The following CDH18 variants were observed in gnomAD, a reference collection of about 807,000 sequenced individuals.
The protein encoded by CDH18 is cadherin-18.
A neutral mutation model predicts 67.9 loss-of-function variants in CDH18; 31 were observed. That is an observed-to-expected ratio of 0.46 (90% confidence interval 0.34 to 0.62). The LOEUF is 0.62. Ranked by LOEUF, CDH18 falls within the 20% of genes least tolerant of loss-of-function variation. The probability of loss-of-function intolerance (pLI) is 0.01; values close to 1 mark genes in which losing one functional copy is unlikely to be tolerated. For missense variants in CDH18, 890 were observed against 975.5 expected, an observed-to-expected ratio of 0.91 and a Z score of 1.17; for synonymous variants, 362 against 347.2, an observed-to-expected ratio of 1.04 and a Z score of -0.48.
At chr5:19,918,678 A>C (rs1482712669) in intron 2 of CDH18, among the ~76,000 whole-genome samples, 1 of 152,162 alleles carries the variant, frequency 6.6e-6, no homozygotes, top group African/African-American at 2.4e-5. Flanking sequence ...TAGCTACTTT[A>C]TTAAAATTCC....
intron 1 of CDH18, among the ~76,000 whole-genome samples, chr5:20,411,329 C>T (rs1178263375): frequency 1.3e-5 from 2 of 151,862 alleles, no homozygotes; most frequent in East Asian, 1.9e-4. Context: ...GACAAAAGTG[C>T]CTACAATACA....
intron 1 of CDH18, among the ~76,000 whole-genome samples, chr5:20,544,279 T>C (rs1454170238): frequency 2.0e-5 from 3 of 152,020 alleles, no homozygotes; most frequent in Admixed American, 6.6e-5. Flanking sequence ...TAGAGGAAGA[T>C]AGAATTCAAA....
chr5:19,956,430 A>C, intron 2 of CDH18, among the ~76,000 whole-genome samples: 1 of 151,946 alleles, frequency 6.6e-6, no homozygotes, highest in East Asian at 1.9e-4. Flanking sequence ...ATCATTCCTA[A>C]TCATCAGCAG....
At chr5:20,012,372 C>CAA (rs374226366) in intron 2 of CDH18, among the ~76,000 whole-genome samples, 35,859 of 115,874 alleles carry the variant, frequency 0.31, 6,622 homozygotes, top group Non-Finnish European at 0.38. Flanking sequence ...TTATCTTGTT[C>CAA]AAAAAAAAAA....
chr5:20,502,620 A>C (rs1754404901), intron 1 of CDH18, among the ~76,000 whole-genome samples: 1 of 152,234 alleles, frequency 6.6e-6, no homozygotes, highest in Non-Finnish European at 1.5e-5. Context: ...TATTCATTCA[A>C]GCATTGGTAG....
At chr5:19,864,089 T>C (rs1167987623) in intron 2 of CDH18, among the ~76,000 whole-genome samples, 1 of 151,024 alleles carries the variant, frequency 6.6e-6, no homozygotes, top group African/African-American at 2.4e-5. Context: ...GTATGTTTAT[T>C]GCGGCACTAT....
At chr5:20,252,498 T>C (rs1743934881) in intron 2 of CDH18, among the ~76,000 whole-genome samples, 1 of 152,166 alleles carries the variant, frequency 6.6e-6, no homozygotes, top group African/African-American at 2.4e-5. Flanking sequence ...GTAAACATTA[T>C]CAGTAAAACA....
At chr5:19,621,970 A>G (rs532677626) in intron 5 of CDH18, among the ~76,000 whole-genome samples, 1 of 152,312 alleles carries the variant, frequency 6.6e-6, no homozygotes, top group Non-Finnish European at 1.5e-5. Context: ...TTCTGTTGCC[A>G]TGTGTGCATT....
chr5:20,437,910 C>T (rs2150185553), intron 1 of CDH18, among the ~76,000 whole-genome samples: 1 of 151,288 alleles, frequency 6.6e-6, no homozygotes, highest in Non-Finnish European at 1.5e-5. Context: ...ATTACCATTT[C>T]AATCTGCTTA....
intron 12 of CDH18, among the ~76,000 whole-genome samples, chr5:19,479,319 C>G (rs1169704328): frequency 6.6e-6 from 1 of 152,040 alleles, no homozygotes; most frequent in Non-Finnish European, 1.5e-5. Flanking sequence ...GAGGGTTGAA[C>G]GTTATTTCAG....
intron 1 of CDH18, among the ~76,000 whole-genome samples, chr5:20,537,866 G>A (rs998317380): frequency 5.3e-5 from 8 of 152,284 alleles, no homozygotes; most frequent in Admixed American, 2.6e-4. Flanking sequence ...GCATTTGCCT[G>A]TAGCAATTGG....
chr5:20,311,109 C>CA lies in CDH18; in HGVS notation c.-579-55605dup, dbSNP rs538801885. On this transcript the variant is annotated intron_variant, in intron 1 of 14. Coordinates refer to the CDH18 transcript ENST00000507958. ...AAAAACAAAACAAAACAAAAACAAA[C>CA]AAAAAAAAGCCTTTCTAACTGAAAA... Among the ~76,000 whole-genome samples, 227 of 151,422 alleles carry CA rather than the reference C, an allele frequency of 1.5e-3. 3 individuals are homozygous for CA. The highest frequency in any genetic ancestry group is 4.9e-3 in the African/African-American group (203 of 41,312).
chr5:19,624,733 A>G (rs1295673784), intron 5 of CDH18, among the ~76,000 whole-genome samples: 2 of 152,148 alleles, frequency 1.3e-5, no homozygotes, highest in South Asian at 4.1e-4. Context: ...TTTTCCCTAA[A>G]GGAAGCTCAG....
At chr5:20,128,160 C>A (rs2126458768) in intron 2 of CDH18, among the ~76,000 whole-genome samples, 1 of 152,146 alleles carries the variant, frequency 6.6e-6, no homozygotes, top group East Asian at 1.9e-4. Context: ...GTCTGTATCG[C>A]TAAACAGCCT....
At chr5:19,579,618 C>G (rs1249794270) in intron 7 of CDH18, among the ~76,000 whole-genome samples, 2 of 151,686 alleles carry the variant, frequency 1.3e-5, no homozygotes, top group African/African-American at 4.8e-5. Flanking sequence ...CTTTTGTACT[C>G]TTAGTAATGC....
chr5:20,567,490 T>C (rs1758582040), intron 1 of CDH18, among the ~76,000 whole-genome samples: 1 of 152,140 alleles, frequency 6.6e-6, no homozygotes, highest in Non-Finnish European at 1.5e-5. Context: ...CCAATGAGGT[T>C]TGGCACAGTG....
At chr5:19,879,652 T>C (rs6888896) in intron 2 of CDH18, among the ~76,000 whole-genome samples, 45,720 of 151,942 alleles carry the variant, frequency 0.3, 8,034 homozygotes, top group South Asian at 0.41. Flanking sequence ...TTGGTAAGTT[T>C]CAGTTGAAGT....
chr5:19,966,359 G>A (rs986186978), intron 2 of CDH18, among the ~76,000 whole-genome samples: 1 of 152,070 alleles, frequency 6.6e-6, no homozygotes, highest in African/African-American at 2.4e-5. Context: ...ATCACTAAAA[G>A]TATGAAGGCC....
chr5:19,979,263 C>T (rs1253252348), intron 2 of CDH18, among the ~76,000 whole-genome samples: 2 of 148,994 alleles, frequency 1.3e-5, no homozygotes, highest in Non-Finnish European at 3.0e-5. Flanking sequence ...CAGAGTGTGT[C>T]TTGGGATAGT....
Sources: gnomAD v4.1 joint callset for allele counts (sites outside exome capture counted in the v4.1 genomes callset) on GRCh38, gnomAD v4.1.1 for gene constraint, MANE v1.5 for transcripts, NCBI Gene and HGNC (gene_info 2026-07-23, HGNC 2026-07-21) for gene names.